DNTTIP2: variants seen among roughly 807,000 people sequenced by gnomAD.
DNTTIP2 encodes the protein deoxynucleotidyltransferase terminal interacting protein 2, also known as deoxynucleotidyltransferase terminal-interacting protein 2.
In DNTTIP2, 47 loss-of-function variants were observed where a neutral mutation model predicts 62.4. The ratio of observed to expected loss-of-function variants is 0.75; its 90% CI spans 0.60 to 0.96. The LOEUF is 0.96. DNTTIP2 is among the 40% of genes least tolerant of loss of function. The pLI, the probability that DNTTIP2 is intolerant of heterozygous loss-of-function variation, is 0.00. For missense variants in DNTTIP2, 870 were observed against 849.1 expected, an observed-to-expected ratio of 1.02 and a Z score of -0.31; for synonymous variants, 322 against 300.9, an observed-to-expected ratio of 1.07 and a Z score of -0.73.
rs376936090 is a variant in DNTTIP2 at position 93,875,734 on chromosome 1, A to C, written c.1717T>G (p.Leu573Val). The change falls in exon 3 of 7, where the codon TTG becomes GTG. Residue 573 changes from leucine to valine, a missense_variant. Transcript: ENST00000436063. ...SIDPGLSIKQ[L>V]GGLYINFNAD... Reference sequence around the variant, plus strand: ...TTAAAATTAATATACAAACCACCCAACTGCTTGATACTCAGACCAGGGTCT... The same window carrying C: ...TTAAAATTAATATACAAACCACCCACCTGCTTGATACTCAGACCAGGGTCT... 1 of 1,613,238 alleles carries C rather than the reference A, an allele frequency of 6.2e-7. No homozygotes were observed. The highest frequency in any genetic ancestry group is 1.3e-5 in the African/African-American group (1 of 74,996).
chr1:93,873,214 G>C lies in DNTTIP2; in HGVS notation c.1807C>G (p.Leu603Val). 2 of 1,605,424 alleles carry C rather than the reference G, an allele frequency of 1.2e-6. No homozygotes were observed. Among genetic ancestry groups the C allele is most frequent in the Non-Finnish European group, 1.7e-6 (2 of 1,173,662 alleles). The change falls in exon 4 of 7, where the codon CTT (leucine) becomes GTT (valine). Residue 603 changes from leucine to valine, a missense_variant and splice_region_variant. Coordinates refer to ENST00000436063, the MANE Select transcript of DNTTIP2 (RefSeq NM_014597.5). ...TQIKEKKKNE[L>V]LQKAVITPDF... The stretch of plus-strand genomic sequence containing the variant: ...GGTGTAATGACGGCTTTCTGCAGAA[G>C]CTATAAAAACATAAAATTGGTTTTA...
At chr1:93,879,000 C>T (rs1656085921) in intron 1 of DNTTIP2, 77 bp downstream of exon 1, 2 of 1,568,896 alleles carry the variant, frequency 1.3e-6, no homozygotes, top group Admixed American at 3.6e-5. Flanking sequence ...CACCCTTAAC[C>T]GGACCCTTGC....
At chr1:93,875,548 G>T in intron 3 of DNTTIP2, 97 bp downstream of exon 3, 3 of 1,287,822 alleles carry the variant, frequency 2.3e-6, no homozygotes, top group Non-Finnish European at 3.2e-6. Flanking sequence ...TTAGGCCAAT[G>T]TGGTTTCACT....
At position 93,877,403 on chromosome 1, in the gene DNTTIP2, A is replaced by C; in HGVS notation, c.532T>G (p.Ser178Ala). The change falls in exon 2 of 7, where the codon TCT (serine) becomes GCT (alanine). Residue 178 changes from serine to alanine, a missense_variant. Transcript: ENST00000436063. Reference protein sequence around the residue: ...AKSLTDPSQESHTEAISDAET... With the variant: ...AKSLTDPSQEAHTEAISDAET... Reference sequence around the variant, plus strand: ...GCATCAGATATAGCTTCTGTATGAGATTCTTGGCTTGGATCTGTCAGAGAT... The same window carrying C: ...GCATCAGATATAGCTTCTGTATGAGCTTCTTGGCTTGGATCTGTCAGAGAT... 6.2e-7 allele frequency: 1 copy of C among 1,613,792 alleles called. No individual in the cohort carries two copies. Among genetic ancestry groups the C allele is most frequent in the Admixed American group, 1.7e-5 (1 of 60,022 alleles).
At chr1:93,875,906 A>G (rs1399498237) in intron 2 of DNTTIP2, 123 bp from the exon 3 acceptor site, 12 of 977,944 alleles carry the variant, frequency 1.2e-5, no homozygotes, top group Non-Finnish European at 1.8e-5. Context: ...AAGAAAAAAA[A>G]GCATCTTATT....
In DNTTIP2 at chr1:93,876,472, A is replaced by G. The variant is rs1557719155; in HGVS notation, c.1463T>C (p.Leu488Ser). Residue 488 changes from leucine (L) to serine (S), a missense_variant, in exon 2 of 7, where the codon TTG (leucine) becomes TCG (serine). Leu to Ser is a moderately radical substitution (Grantham distance 145). Coordinates refer to ENST00000436063, the MANE Select transcript of DNTTIP2 (RefSeq NM_014597.5). ...DTGSLSCDNA[L>S]FVIDTTPGMS... ...TCCAGGAGTTGTGTCAATTACAAAC[A>G]ATGCATTGTCACATGACAGACTTCC... 6.2e-7 allele frequency: 1 copy of G among 1,613,964 alleles called. No individual in the cohort carries two copies. Among genetic ancestry groups the G allele is most frequent in the Non-Finnish European group, 8.5e-7 (1 of 1,179,882 alleles).
Position 93,877,056 on chromosome 1 carries a change from TTTTG to T in DNTTIP2, c.875_878del (p.Thr292AsnfsTer14), listed in dbSNP as rs1252051043. The T allele has an allele frequency of 6.2e-7, 1 of 1,612,230 alleles. No homozygotes were observed. Among genetic ancestry groups the T allele is most frequent in the Non-Finnish European group, 8.5e-7 (1 of 1,179,826 alleles). ...CTTCATCCAAATCCTTACAATTCTGTTTTGTTTCTTTAAGAGATTCAACATTGGC... is the reference window on the plus strand; with the variant it reads ...CTTCATCCAAATCCTTACAATTCTGTTTTCTTTAAGAGATTCAACATTGGC... On this transcript the variant is annotated frameshift_variant, in exon 2 of 7. Coordinates refer to ENST00000436063, the MANE Select transcript of DNTTIP2 (RefSeq NM_014597.5). LOFTEE classifies it high-confidence loss of function.
Position 93,876,984 on chromosome 1 carries a change from AC to A in DNTTIP2, c.950del (p.Ser317IlefsTer4). On this transcript the variant is annotated frameshift_variant, in exon 2 of 7. Coordinates refer to ENST00000436063, the MANE Select transcript of DNTTIP2 (RefSeq NM_014597.5). LOFTEE classifies it high-confidence loss of function. Reference sequence around the variant, plus strand: ...GTTCAGAAAGATTCTTCAGCTGAGAACTTTTCTCATTAATTTCTTTCCCCTC... The same window carrying A: ...GTTCAGAAAGATTCTTCAGCTGAGAATTTTCTCATTAATTTCTTTCCCCTC... Reference protein sequence around the residue: ...TDEGKEINEKSSQLKNLSELQ... With the variant: ...TDEGKEINEKXSQLKNLSELQ... The A allele has an allele frequency of 6.2e-7, 1 of 1,613,048 alleles. No individual in the cohort carries two copies. Among genetic ancestry groups the A allele is most frequent in the Non-Finnish European group, 8.5e-7 (1 of 1,179,734 alleles).
At position 93,879,075 on chromosome 1, in the gene DNTTIP2, A is replaced by G; in HGVS notation, c.72+2T>C. On this transcript the variant is annotated splice_donor_variant, in intron 1 of 6. Coordinates refer to ENST00000436063, the MANE Select transcript of DNTTIP2 (RefSeq NM_014597.5). LOFTEE classifies it high-confidence loss of function. ...AGAAGTAGGGAAGACTGGATTTCCT[A>G]CCTTTTGCCCGGAACTTTCAGCCGA... 1 of 1,613,494 alleles carries G rather than the reference A, an allele frequency of 6.2e-7. No homozygotes were observed. Among genetic ancestry groups the G allele is most frequent in the Non-Finnish European group, 8.5e-7 (1 of 1,179,820 alleles).
chr1:93,871,171 T>C (rs190417715), intron 5 of DNTTIP2, among the ~76,000 whole-genome samples: 1 of 152,224 alleles, frequency 6.6e-6, no homozygotes, highest in African/African-American at 2.4e-5. Flanking sequence ...GGCTGCCAGT[T>C]TGGCCTACTT....
Position 93,877,246 on chromosome 1 carries a change from A to G in DNTTIP2, c.689T>C (p.Val230Ala). 2 of 1,613,930 alleles carry G rather than the reference A, an allele frequency of 1.2e-6. No homozygotes were observed. Among genetic ancestry groups the G allele is most frequent in the South Asian group, 2.2e-5 (2 of 91,080 alleles). The part of the protein sequence containing the change: ...KIVPGNEKQI[V>A]GTPVNSEDSD... ...ATCCTCTGAATTCACAGGTGTACCC[A>G]CGATCTGTTTCTCATTTCCTGGTAC... Residue 230 changes from valine (V) to alanine (A), a missense_variant, in exon 2 of 7, where the codon GTG becomes GCG. Coordinates refer to ENST00000436063, the MANE Select transcript of DNTTIP2 (RefSeq NM_014597.5).
In DNTTIP2 at chr1:93,868,102, T is replaced by G. The variant is rs887076148; in HGVS notation, c.*1749A>C. The G allele has an allele frequency of 1.3e-4, 20 of 152,084 alleles. No individual in the cohort carries two copies. The highest frequency in any genetic ancestry group is 4.8e-4 in the African/African-American group (20 of 41,416). The allele number at this position is 152,084 out of a possible 1,614,324, so 9.4% of individuals were successfully genotyped here. On this transcript the variant is annotated 3_prime_UTR_variant, in exon 7 of 7. Transcript: ENST00000436063. ...AATGGGAGAAAATTTCTGTAATCTA[T>G]CCATCTGACAAAGGGCTAATATCCA...
At position 93,869,833 on chromosome 1, in the gene DNTTIP2, C is replaced by T. The variant is rs898201793; in HGVS notation, c.*18G>A. 2.6e-6 allele frequency: 2 copies of T among 778,158 alleles called. No individual in the cohort carries two copies. The highest frequency in any genetic ancestry group is 2.4e-6 in the Non-Finnish European group (1 of 416,798). 48.2% of individuals were successfully genotyped at this position (778,158 alleles called of 1,614,324 possible). The stretch of plus-strand genomic sequence containing the variant: ...AATAAAGGAGCAATGTAAAATGTTG[C>T]AGTTTGCTTGGTAAATCTTAATTGC... On this transcript the variant is annotated 3_prime_UTR_variant, in exon 7 of 7. Coordinates refer to ENST00000436063, the MANE Select transcript of DNTTIP2 (RefSeq NM_014597.5).
In DNTTIP2 at chr1:93,869,986, C is replaced by T. The variant is rs777000906; in HGVS notation, c.2178-42G>A. The T allele has an allele frequency of 1.2e-5, 9 of 758,314 alleles. No homozygotes were observed. The South Asian group carries it at 1.3e-4, about 11-fold the overall frequency. The allele number at this position is 758,314 out of a possible 1,614,324, so 47.0% of individuals were successfully genotyped here. On this transcript the variant is annotated intron_variant, in intron 6 of 6. Coordinates refer to ENST00000436063, the MANE Select transcript of DNTTIP2 (RefSeq NM_014597.5). ...AGAACTTTATGTTTGATATATCAGA[C>T]ATTAGAAGTTAATATAACCTTAGGG... is the stretch of plus-strand genomic sequence containing the variant.
At chr1:93,875,086 T>C (rs1655965198) in intron 3 of DNTTIP2, among the ~76,000 whole-genome samples, 1 of 152,182 alleles carries the variant, frequency 6.6e-6, no homozygotes, top group Admixed American at 6.5e-5. Context: ...GTCAAGTACC[T>C]GAGGACATCT....
At position 93,877,676 on chromosome 1, in the gene DNTTIP2, T is replaced by C; in HGVS notation, c.259A>G (p.Thr87Ala). 1 of 1,613,954 alleles carries C rather than the reference T, an allele frequency of 6.2e-7. No homozygotes were observed. Among genetic ancestry groups the C allele is most frequent in the Non-Finnish European group, 8.5e-7 (1 of 1,179,874 alleles). The part of the protein sequence containing the change: ...KGTEPSTDGE[T>A]SEAESNYSVS... Reference sequence around the variant, plus strand: ...GAATAATTTGACTCTGCCTCAGAGGTTTCTCCATCCGTAGATGGTTCAGTC... The same window carrying C: ...GAATAATTTGACTCTGCCTCAGAGGCTTCTCCATCCGTAGATGGTTCAGTC... The change falls in exon 2 of 7, where the codon ACC becomes GCC. Residue 87 changes from threonine to alanine, a missense_variant. Thr to Ala is a moderately conservative substitution (Grantham distance 58). Coordinates refer to ENST00000436063, the MANE Select transcript of DNTTIP2 (RefSeq NM_014597.5).
rs1656014401 is a variant in DNTTIP2 at position 93,876,642 on chromosome 1, G to C, written c.1293C>G (p.Pro431=). Residue 431 remains proline (P), a synonymous_variant, in exon 2 of 7, where the codon CCC becomes CCG. Transcript: ENST00000436063. The stretch of plus-strand genomic sequence containing the variant: ...AATTATCTTTACCCTGAGATGTGTT[G>C]GGCGCAGACGTGTATAGTTTGGTAT... ...ECDTKLYTSA[P]NTSQGKDNSV... 2.5e-6 allele frequency: 4 copies of C among 1,613,848 alleles called. No homozygotes were observed. Among genetic ancestry groups the C allele is most frequent in the Non-Finnish European group, 3.4e-6 (4 of 1,179,892 alleles).
rs1655806640 is a variant in DNTTIP2, at chr1:93,869,658, TG to T, written c.*192del. On this transcript the variant is annotated 3_prime_UTR_variant, in exon 7 of 7. Coordinates refer to ENST00000436063, the MANE Select transcript of DNTTIP2 (RefSeq NM_014597.5). ...TTCCCATAAAGAGTCTACACCAGGG[TG>T]GGTCTTTTAGACACCCCTATTTTCT... is the stretch of plus-strand genomic sequence containing the variant. 1 of 509,666 alleles carries T rather than the reference TG, an allele frequency of 2.0e-6. No individual in the cohort carries two copies. Among genetic ancestry groups the T allele is most frequent in the Admixed American group, 3.5e-5 (1 of 28,170 alleles). 31.6% of individuals were successfully genotyped at this position (509,666 alleles called of 1,614,324 possible).
Position 93,876,457 on chromosome 1 carries a change from G to A in DNTTIP2, c.1478C>T (p.Thr493Ile). 2 of 1,613,852 alleles carry A rather than the reference G, an allele frequency of 1.2e-6. No homozygotes were observed. Among genetic ancestry groups the A allele is most frequent in the Non-Finnish European group, 1.7e-6 (2 of 1,179,872 alleles). Residue 493 changes from threonine to isoleucine, a missense_variant, in exon 2 of 7, where the codon ACA becomes ATA. Coordinates refer to ENST00000436063, the MANE Select transcript of DNTTIP2 (RefSeq NM_014597.5). ...SCDNALFVID[T>I]TPGMSADKNF... ...TTTATCAGCACTCATTCCAGGAGTTGTGTCAATTACAAACAATGCATTGTC... is the reference window on the plus strand; with the variant it reads ...TTTATCAGCACTCATTCCAGGAGTTATGTCAATTACAAACAATGCATTGTC...
Sources: allele counts gnomAD v4.1 joint callset (sites outside exome capture counted in the v4.1 genomes callset), GRCh38; gene constraint gnomAD v4.1.1; transcripts MANE v1.5; gene names NCBI Gene and HGNC (gene_info 2026-07-23, HGNC 2026-07-21).